GABRR2: variants seen among roughly 807,000 people sequenced by gnomAD.
GABRR2 encodes gamma-aminobutyric acid type A receptor subunit rho2, also known as gamma-aminobutyric acid receptor subunit rho-2.
Under a neutral mutation model 47.0 loss-of-function variants are expected in GABRR2, and 36 were observed. The ratio of observed to expected loss-of-function variants is 0.77; its 90% CI spans 0.59 to 1.01. The LOEUF is 1.01. Ranked by LOEUF, GABRR2 falls within the 50% of genes least tolerant of loss-of-function variation. The probability of loss-of-function intolerance (pLI) is 0.00; values close to 1 mark genes in which losing one functional copy is unlikely to be tolerated. For synonymous variants in GABRR2, 204 were observed against 227.5 expected, an observed-to-expected ratio of 0.90 and a Z score of 0.93; for missense variants, 587 against 594.6, an observed-to-expected ratio of 0.99 and a Z score of 0.13.
At chr6:89,306,470 T>G (rs1767561162) in intron 1 of GABRR2, among the ~76,000 whole-genome samples, 1 of 152,222 alleles carries the variant, frequency 6.6e-6, no homozygotes, top group Non-Finnish European at 1.5e-5. Context: ...TTGCCAAATA[T>G]GATGCTCCTT....
chr6:89,312,441 GT>G (rs1360343918), intron 1 of GABRR2, among the ~76,000 whole-genome samples: 1 of 152,200 alleles, frequency 6.6e-6, no homozygotes, highest in African/African-American at 2.4e-5. Context: ...GTTCAAAGAA[GT>G]CTTCACAGTG....
chr6:89,310,774 G>C (rs557273113), intron 1 of GABRR2, among the ~76,000 whole-genome samples: 1 of 152,210 alleles, frequency 6.6e-6, no homozygotes, highest in Admixed American at 6.5e-5. Flanking sequence ...TGAATGAAGA[G>C]AATGAAGCTG....
chr6:89,261,476 C>G (rs945729181), intron 8 of GABRR2, among the ~76,000 whole-genome samples: 1 of 152,158 alleles, frequency 6.6e-6, no homozygotes, highest in Non-Finnish European at 1.5e-5. Flanking sequence ...CATGACGAGA[C>G]AAGAGGCTGA....
At chr6:89,298,768 G>T (rs1205230014) in intron 2 of GABRR2, among the ~76,000 whole-genome samples, 1 of 152,156 alleles carries the variant, frequency 6.6e-6, no homozygotes, top group Non-Finnish European at 1.5e-5. Flanking sequence ...TGACAAATGT[G>T]TATGTTGCAA....
chr6:89,295,043 A>T (rs1262569638), intron 2 of GABRR2, among the ~76,000 whole-genome samples: 6 of 152,028 alleles, frequency 3.9e-5, no homozygotes, highest in Non-Finnish European at 8.8e-5. Flanking sequence ...TCTATCATTG[A>T]TGGACATTTG....
intron 1 of GABRR2, 106 bp downstream of exon 1, chr6:89,314,947 G>T: frequency 1.1e-6 from 1 of 930,980 alleles, no homozygotes; most frequent in Non-Finnish European, 1.7e-6. Flanking sequence ...ATTCTCATAG[G>T]GCGATATCTC....
In GABRR2 at chr6:89,263,667, C is replaced by T. The variant is rs145820792; in HGVS notation, c.1086+745G>A. ...CCTCCCAAGTAGCTGGGATTACAGG[C>T]GTGCACCACCATGCTCGGCTAATTT... On this transcript the variant is annotated intron_variant, in intron 8 of 8. Transcript: ENST00000402938. 4.9e-3 allele frequency among the ~76,000 whole-genome samples: 749 copies of T among 152,228 alleles called. 2 individuals carry two copies. The highest frequency in any genetic ancestry group is 0.01 in the African/African-American group (419 of 41,540).
At chr6:89,261,594 A>G (rs1471283033) in intron 8 of GABRR2, among the ~76,000 whole-genome samples, 1 of 152,224 alleles carries the variant, frequency 6.6e-6, no homozygotes, top group Non-Finnish European at 1.5e-5. Flanking sequence ...GCCATAAGAT[A>G]CCAAATTACA....
chr6:89,301,922 T>G (rs1439648725), intron 1 of GABRR2: 1 of 1,025,196 alleles, frequency 9.8e-7, no homozygotes, highest in Non-Finnish European at 1.5e-6. Context: ...CTGGAGCAGA[T>G]CAGCATCTAC....
chr6:89,260,053 A>G (rs947523554), intron 8 of GABRR2, among the ~76,000 whole-genome samples: 5 of 151,696 alleles, frequency 3.3e-5, no homozygotes, highest in Non-Finnish European at 1.5e-5. Context: ...GATTACAGGC[A>G]CACACCACCA....
intron 4 of GABRR2, 143 bp from the exon 5 acceptor site, chr6:89,268,239 T>C (rs1415546207): frequency 2.6e-5 from 18 of 690,602 alleles, no homozygotes; most frequent in Non-Finnish European, 4.2e-5. Flanking sequence ...ATCTGAGTTA[T>C]AGAACCTTAA....
intron 6 of GABRR2, 135 bp downstream of exon 6, chr6:89,267,544 G>A (rs1454930631): frequency 6.0e-5 from 51 of 848,032 alleles, no homozygotes; most frequent in Non-Finnish European, 7.0e-5. Context: ...TCCAGCTTGG[G>A]AGACAGAGTG....
intron 1 of GABRR2, among the ~76,000 whole-genome samples, chr6:89,306,360 TAA>T (rs747849268): frequency 1.4e-5 from 2 of 145,482 alleles, no homozygotes; most frequent in Non-Finnish European, 1.5e-5. Context: ...ACCCTGTGTT[TAA>T]AAAAAAAAAA....
intron 1 of GABRR2, among the ~76,000 whole-genome samples, chr6:89,307,171 A>G (rs1767582264): frequency 6.6e-6 from 1 of 152,120 alleles, no homozygotes; most frequent in Non-Finnish European, 1.5e-5. Context: ...CCTTAACCAC[A>G]CTTTAGAATC....
At chr6:89,263,587 A>G (rs748649256) in intron 8 of GABRR2, among the ~76,000 whole-genome samples, 1 of 152,142 alleles carries the variant, frequency 6.6e-6, no homozygotes, top group Non-Finnish European at 1.5e-5. Context: ...CAGTGGTGCA[A>G]TCTCAGCTCA....
Position 89,257,631 on chromosome 6 carries a change from C to T in GABRR2, c.*39G>A, listed in dbSNP as rs1320765888. The T allele has an allele frequency of 3.3e-6, 5 of 1,529,846 alleles. No homozygotes were observed. Among genetic ancestry groups the T allele is most frequent in the African/African-American group, 2.7e-5 (2 of 72,740 alleles). The allele number at this position is 1,529,846 out of a possible 1,614,324, so 94.8% of individuals were successfully genotyped here. On this transcript the variant is annotated 3_prime_UTR_variant, in exon 9 of 9. Transcript: ENST00000402938. ...CTGTCAATGACTGGCCAGGCCCCCT[C>T]GATGTCTATGCCCTCTTCTAGGAAC... is the stretch of plus-strand genomic sequence containing the variant.
At chr6:89,297,380 A>AG (rs1040615774) in intron 2 of GABRR2, among the ~76,000 whole-genome samples, 1 of 152,150 alleles carries the variant, frequency 6.6e-6, no homozygotes, top group Non-Finnish European at 1.5e-5. Context: ...CCCAGCTAGG[A>AG]GGGGGGTCCA....
intron 8 of GABRR2, among the ~76,000 whole-genome samples, chr6:89,263,913 T>TA (rs1773814234): frequency 6.6e-6 from 1 of 152,200 alleles, no homozygotes; most frequent in Non-Finnish European, 1.5e-5. Context: ...CTTTAGTCCT[T>TA]ACTGTGGCTG....
rs117639539 is a variant in GABRR2 at position 89,283,446 on chromosome 6, C to G, written c.221-11724G>C. ...AGATCCATACAGTGGAATAATAAAC[C>G]ATTAAAAATATGAAGAAGTTGTATA... On this transcript the variant is annotated intron_variant, in intron 2 of 8. Transcript: ENST00000402938. Among the ~76,000 whole-genome samples, 413 of 151,842 alleles carry G rather than the reference C, an allele frequency of 2.7e-3. 1 individual carries two copies. The highest frequency in any genetic ancestry group is 4.5e-3 in the Non-Finnish European group (303 of 67,932).
Sources: gnomAD v4.1 joint callset for allele counts (sites outside exome capture counted in the v4.1 genomes callset) on GRCh38, gnomAD v4.1.1 for gene constraint, MANE v1.5 for transcripts, NCBI Gene and HGNC (gene_info 2026-07-23, HGNC 2026-07-21) for gene names.